The following NTM variants were observed in gnomAD, a reference collection of about 807,000 sequenced individuals.
The protein encoded by NTM is neurotrimin.
NTM carries 13 observed loss-of-function variants against 42.1 expected under a neutral mutation model. The observed-to-expected ratio is 0.31, with a 90% CI of 0.20 to 0.49. NTM has a LOEUF of 0.49. Among genes scored for constraint, NTM ranks in the 20% least tolerant of loss-of-function variants. The probability of loss-of-function intolerance (pLI) is 0.99; values close to 1 mark genes in which losing one functional copy is unlikely to be tolerated. For missense variants in NTM, 373 were observed against 452.8 expected (o/e 0.82, Z 1.60); for synonymous variants, 187 against 179.2 (o/e 1.04, Z -0.35).
intron 2 of NTM, among the ~76,000 whole-genome samples, chr11:132,094,081 T>A (rs2060675761): frequency 6.6e-6 from 1 of 152,182 alleles, no homozygotes; most frequent in Admixed American, 6.5e-5. Flanking sequence ...TAAACATGGT[T>A]TAAACAGTTG....
chr11:132,103,447 G>A (rs1199373119), intron 2 of NTM, among the ~76,000 whole-genome samples: 1 of 152,236 alleles, frequency 6.6e-6, no homozygotes, highest in Non-Finnish European at 1.5e-5. Context: ...TTGCAATCAT[G>A]TGAAAATGCC....
intron 2 of NTM, among the ~76,000 whole-genome samples, chr11:132,086,592 G>T (rs1217781657): frequency 6.6e-6 from 1 of 152,128 alleles, no homozygotes; most frequent in Non-Finnish European, 1.5e-5. Context: ...GACCTCACAG[G>T]TGAAACCAAC....
At chr11:131,381,402 T>C (rs1942661713) in intron 1 of NTM, among the ~76,000 whole-genome samples, 1 of 152,190 alleles carries the variant, frequency 6.6e-6, no homozygotes, top group African/African-American at 2.4e-5. Context: ...TCAATGCAAC[T>C]GGTGATACAC....
chr11:132,163,108 G>T (rs2074670927), intron 3 of NTM, among the ~76,000 whole-genome samples: 1 of 152,176 alleles, frequency 6.6e-6, no homozygotes, highest in South Asian at 2.1e-4. Context: ...CTGCAGAGAG[G>T]CCCTGCCTGC....
chr11:131,738,460 A>G (rs1360263751), intron 1 of NTM, among the ~76,000 whole-genome samples: 1 of 152,262 alleles, frequency 6.6e-6, no homozygotes, highest in Non-Finnish European at 1.5e-5. Context: ...GTGAATTAGT[A>G]TCAAGCTAAG....
At chr11:131,857,739 T>C (rs762429935) in intron 1 of NTM, among the ~76,000 whole-genome samples, 3 of 152,178 alleles carry the variant, frequency 2.0e-5, no homozygotes, top group Non-Finnish European at 4.4e-5. Flanking sequence ...GCCTTAATCC[T>C]GGCCTATTAT....
chr11:132,295,955 G>A (rs908981404), intron 4 of NTM, among the ~76,000 whole-genome samples: 2 of 152,204 alleles, frequency 1.3e-5, no homozygotes, highest in African/African-American at 4.8e-5. Context: ...TAACAATGAT[G>A]AGGAAAAGAA....
intron 2 of NTM, among the ~76,000 whole-genome samples, chr11:132,135,614 T>C (rs2067743394): frequency 6.6e-6 from 1 of 152,198 alleles, no homozygotes; most frequent in African/African-American, 2.4e-5. Context: ...CCACACAGGC[T>C]ACTGCTAGGG....
At chr11:132,090,647 C>T (rs560579522) in intron 2 of NTM, among the ~76,000 whole-genome samples, 48 of 152,086 alleles carry the variant, frequency 3.2e-4, no homozygotes, top group African/African-American at 1.1e-3. Flanking sequence ...TCCTTGAATG[C>T]CCTACTTTTC....
chr11:132,273,096 T>G (rs1384449173), intron 4 of NTM, among the ~76,000 whole-genome samples: 1 of 152,076 alleles, frequency 6.6e-6, no homozygotes, highest in African/African-American at 2.4e-5. Flanking sequence ...GTTTGTTGTG[T>G]GTTTTTTTTA....
intron 1 of NTM, among the ~76,000 whole-genome samples, chr11:131,852,781 A>T (rs1224901010): frequency 6.6e-6 from 1 of 152,048 alleles, no homozygotes; most frequent in African/African-American, 2.4e-5. Flanking sequence ...CTACTCATCC[A>T]TCCACCCATC....
intron 2 of NTM, among the ~76,000 whole-genome samples, chr11:132,010,160 T>C (rs934454964): frequency 4.6e-5 from 7 of 152,232 alleles, no homozygotes; most frequent in African/African-American, 1.7e-4. Context: ...TTGCTTCATA[T>C]TAGCTTTGAT....
intron 4 of NTM, among the ~76,000 whole-genome samples, chr11:132,281,442 G>A (rs116425864): frequency 7.9e-5 from 12 of 152,120 alleles, no homozygotes; most frequent in South Asian, 2.1e-4. Flanking sequence ...ATGCATATAC[G>A]TATATGTTTT....
chr11:131,757,526 C>A (rs538026969), intron 1 of NTM, among the ~76,000 whole-genome samples: 2 of 152,286 alleles, frequency 1.3e-5, no homozygotes, highest in East Asian at 3.9e-4. Context: ...TCTCTTCCTG[C>A]CCTTCTAGAA....
intron 1 of NTM, among the ~76,000 whole-genome samples, chr11:131,394,275 C>G (rs2135616516): frequency 6.6e-6 from 1 of 152,306 alleles, no homozygotes. Context: ...CACTCTCGTT[C>G]TTCATCTCTT....
intron 2 of NTM, among the ~76,000 whole-genome samples, chr11:132,104,591 AAAT>A (rs1392273668): frequency 8.4e-6 from 1 of 119,524 alleles, no homozygotes; most frequent in African/African-American, 3.5e-5. Flanking sequence ...CCCCCACCAA[AAAT>A]AATAATAACT....
intron 2 of NTM, among the ~76,000 whole-genome samples, chr11:131,936,169 G>T (rs541106053): frequency 4.9e-4 from 75 of 152,240 alleles, no homozygotes; most frequent in Non-Finnish European, 9.4e-4. Context: ...GTATTCAAGT[G>T]AGCCATATGT....
chr11:131,528,376 A>G (rs2050788425), intron 1 of NTM, among the ~76,000 whole-genome samples: 2 of 152,176 alleles, frequency 1.3e-5, no homozygotes, highest in South Asian at 2.1e-4. Flanking sequence ...TGCCCTTTAC[A>G]TGTTTAGTTC....
At chr11:132,026,397 C>T (rs1288192192) in intron 2 of NTM, among the ~76,000 whole-genome samples, 3 of 152,106 alleles carry the variant, frequency 2.0e-5, no homozygotes, top group African/African-American at 7.2e-5. Context: ...TCCTGGGGTC[C>T]ACTTATATGA....
Sources: gnomAD v4.1 joint callset for allele counts (sites outside exome capture counted in the v4.1 genomes callset) on GRCh38, gnomAD v4.1.1 for gene constraint, MANE v1.5 for transcripts, NCBI Gene and HGNC (gene_info 2026-07-23, HGNC 2026-07-21) for gene names.